The following MCC variants were observed in gnomAD, a reference collection of about 807,000 sequenced individuals.
The protein encoded by MCC is colorectal mutant cancer protein.
Under a neutral mutation model 116.2 loss-of-function variants are expected in MCC, and 90 were observed. The observed-to-expected ratio is 0.77, with a 90% CI of 0.65 to 0.92. The LOEUF (loss-of-function observed/expected upper bound fraction) is 0.92. Among genes scored for constraint, MCC ranks in the 40% least tolerant of loss-of-function variants. MCC has a pLI of 0.00. For missense variants in MCC, 1,516 were observed against 1,312.2 expected (o/e 1.16, Z -2.40); for synonymous variants, 578 against 510.5 (o/e 1.13, Z -1.78).
At chr5:113,442,625 T>A (rs1201579766) in intron 1 of MCC, among the ~76,000 whole-genome samples, 1 of 151,860 alleles carries the variant, frequency 6.6e-6, no homozygotes, top group Non-Finnish European at 1.5e-5. Context: ...GATTTTTATG[T>A]TTTTAGGTCT....
chr5:113,220,118 C>T lies in MCC; in HGVS notation c.628-68696G>A, dbSNP rs1380551760. Among the ~76,000 whole-genome samples, 2 of 57,764 alleles carry T rather than the reference C, an allele frequency of 3.5e-5. 1 individual carries two copies. Among genetic ancestry groups the T allele is most frequent in the African/African-American group, 5.7e-5 (2 of 35,070 alleles). 37.9% of individuals were successfully genotyped at this position (57,764 alleles called of 152,430 possible). On this transcript the variant is annotated intron_variant, in intron 3 of 18. Transcript: ENST00000408903. Reference sequence around the variant, plus strand: ...TGTCACCCCGGCTGGAGTGCAGTGGCGCAATCTCGGCTCACTGCAAGCTCC... The same window carrying T: ...TGTCACCCCGGCTGGAGTGCAGTGGTGCAATCTCGGCTCACTGCAAGCTCC...
chr5:113,404,488 T>C (rs1248451533), intron 1 of MCC, among the ~76,000 whole-genome samples: 2 of 152,192 alleles, frequency 1.3e-5, no homozygotes, highest in Non-Finnish European at 2.9e-5. Context: ...ATCTAGGATA[T>C]AAAAGCAAAG....
intron 17 of MCC, among the ~76,000 whole-genome samples, chr5:113,037,175 T>C (rs1428132354): frequency 2.0e-5 from 3 of 152,238 alleles, no homozygotes; most frequent in Non-Finnish European, 4.4e-5. Context: ...CCACTCTTTG[T>C]GTGGCTCAAA....
intron 3 of MCC, among the ~76,000 whole-genome samples, chr5:113,330,266 T>A (rs893771802): frequency 1.3e-5 from 2 of 152,232 alleles, no homozygotes; most frequent in African/African-American, 4.8e-5. Flanking sequence ...GAGAGCTGAG[T>A]GATTCCTGAA....
chr5:113,363,113 A>C (rs1768588305), intron 2 of MCC, among the ~76,000 whole-genome samples: 1 of 152,076 alleles, frequency 6.6e-6, no homozygotes, highest in African/African-American at 2.4e-5. Context: ...CCCTATCTCT[A>C]CTAAAAATAC....
At chr5:113,212,924 C>T (rs1421453782) in intron 3 of MCC, among the ~76,000 whole-genome samples, 1 of 152,232 alleles carries the variant, frequency 6.6e-6, no homozygotes, top group Non-Finnish European at 1.5e-5. Context: ...CATTCTCATC[C>T]AGTTCTGATG....
At chr5:113,250,556 A>C (rs1663056116) in intron 3 of MCC, among the ~76,000 whole-genome samples, 1 of 152,188 alleles carries the variant, frequency 6.6e-6, no homozygotes, top group Non-Finnish European at 1.5e-5. Flanking sequence ...TGTTTTTAAA[A>C]AGTTACTCAG....
At chr5:113,367,427 A>G in intron 2 of MCC, among the ~76,000 whole-genome samples, 1 of 146,828 alleles carries the variant, frequency 6.8e-6, no homozygotes, top group Non-Finnish European at 1.5e-5. Flanking sequence ...TTTCTCCTGG[A>G]GCTTTTTTTA....
At chr5:113,030,705 C>G (rs887300863) in intron 17 of MCC, among the ~76,000 whole-genome samples, 2 of 152,188 alleles carry the variant, frequency 1.3e-5, no homozygotes, top group East Asian at 3.9e-4. Flanking sequence ...GATGGCCATG[C>G]ACTGGCATGG....
intron 2 of MCC, among the ~76,000 whole-genome samples, chr5:113,376,280 T>C (rs1768977582): frequency 6.6e-6 from 1 of 152,134 alleles, no homozygotes; most frequent in Admixed American, 6.5e-5. Flanking sequence ...GTGCTATGGG[T>C]ATCAGAGAGC....
At chr5:113,376,062 C>G (rs573033178) in intron 2 of MCC, among the ~76,000 whole-genome samples, 3 of 152,178 alleles carry the variant, frequency 2.0e-5, no homozygotes, top group Admixed American at 2.0e-4. Flanking sequence ...GAGACTATAT[C>G]CTCAGGATAA....
intron 3 of MCC, among the ~76,000 whole-genome samples, chr5:113,259,493 C>T (rs982775326): frequency 6.6e-6 from 1 of 152,006 alleles, no homozygotes; most frequent in African/African-American, 2.4e-5. Flanking sequence ...TTTAACAGAC[C>T]CATTATCATT....
chr5:113,177,242 A>G (rs986916712), intron 3 of MCC, among the ~76,000 whole-genome samples: 2 of 152,270 alleles, frequency 1.3e-5, no homozygotes, highest in East Asian at 3.9e-4. Context: ...AGTAGTCTGT[A>G]AACTCCTTGA....
chr5:113,327,561 A>ATATATATAT (rs1554076392), intron 3 of MCC, among the ~76,000 whole-genome samples: 5 of 80,584 alleles, frequency 6.2e-5, no homozygotes, highest in African/African-American at 1.0e-4. Context: ...AAAAAAAAAA[A>ATATATATAT]ATATATATAT....
chr5:113,288,659 GC>G (rs1766355306), intron 3 of MCC, among the ~76,000 whole-genome samples: 1 of 152,110 alleles, frequency 6.6e-6, no homozygotes, highest in African/African-American at 2.4e-5. Flanking sequence ...AGTTAAACAG[GC>G]TTATTAAAAT....
intron 3 of MCC, among the ~76,000 whole-genome samples, chr5:113,249,795 C>T (rs373881120): frequency 8.5e-5 from 13 of 152,294 alleles, no homozygotes; most frequent in East Asian, 7.7e-4. Context: ...ATCAGACAGA[C>T]GAAGTTGGCC....
In MCC at chr5:113,022,335, CT is replaced by C. The variant is rs1750199229; in HGVS notation, c.*4966del. 1 of 152,598 alleles carries C rather than the reference CT, an allele frequency of 6.6e-6. No individual in the cohort carries two copies. The highest frequency in any genetic ancestry group is 2.1e-4 in the South Asian group (1 of 4,838). 9.5% of individuals were successfully genotyped at this position (152,598 alleles called of 1,614,324 possible). On this transcript the variant is annotated 3_prime_UTR_variant, in exon 19 of 19. Coordinates refer to ENST00000408903, the MANE Select transcript of MCC (RefSeq NM_001085377.2). The stretch of plus-strand genomic sequence containing the variant: ...GTTAAGTAGCAATTTTAAAATGAGA[CT>C]TTCAGTACAAACAGTAGAACAATAC...
At chr5:113,140,480 C>G (rs1386143256) in intron 5 of MCC, among the ~76,000 whole-genome samples, 1 of 152,178 alleles carries the variant, frequency 6.6e-6, no homozygotes, top group African/African-American at 2.4e-5. Context: ...ATGAATTCAA[C>G]TCACATTAGC....
At chr5:113,034,767 GT>G (rs1374250246) in intron 17 of MCC, among the ~76,000 whole-genome samples, 4 of 152,234 alleles carry the variant, frequency 2.6e-5, no homozygotes, top group Non-Finnish European at 4.4e-5. Context: ...TGAGCTCCAA[GT>G]TGTTGCATCC....
Sources: allele counts gnomAD v4.1 joint callset (sites outside exome capture counted in the v4.1 genomes callset), GRCh38; gene constraint gnomAD v4.1.1; transcripts MANE v1.5; gene names NCBI Gene and HGNC (gene_info 2026-07-23, HGNC 2026-07-21).